The following LYRM4 variants were observed in gnomAD, a reference collection of about 807,000 sequenced individuals.
The protein encoded by LYRM4 is LYR motif containing 4.
A neutral mutation model predicts 11.7 loss-of-function variants in LYRM4; 9 were observed. The ratio of observed to expected loss-of-function variants is 0.77; its 90% CI spans 0.46 to 1.34. The LOEUF is 1.34. LYRM4 is among the 40% of genes most tolerant of loss of function. The pLI, the probability that LYRM4 is intolerant of heterozygous loss-of-function variation, is 0.00. For missense variants in LYRM4, 133 were observed against 112.5 expected, an observed-to-expected ratio of 1.18 and a Z score of -0.82; for synonymous variants, 42 against 40.4, an observed-to-expected ratio of 1.04 and a Z score of -0.15.
At chr6:5,260,346 C>T (rs924630236) in intron 1 of LYRM4, among the ~76,000 whole-genome samples, 1 of 152,118 alleles carries the variant, frequency 6.6e-6, no homozygotes, top group African/African-American at 2.4e-5. Flanking sequence ...TCCCTTTTTT[C>T]TCTTCTGCAG....
chr6:5,086,234 T>C, the LYRM4 span: 10 of 1,535,398 alleles, frequency 6.5e-6, no homozygotes, highest in Non-Finnish European at 8.7e-6. Flanking sequence ...GCCGTGACCG[T>C]GCGCTACACC....
At position 5,108,967 on chromosome 6, in the gene LYRM4, C is replaced by T. The variant is rs1762757182; in HGVS notation, c.*456G>A. On this transcript the variant is annotated 3_prime_UTR_variant, in exon 3 of 3. Transcript: ENST00000330636. ...GCCTTCACCAAGGCAGTTCTCGTCTCAGAGTTGAACCCTCCCTGAGGGCCC... is the reference window on the plus strand; with the variant it reads ...GCCTTCACCAAGGCAGTTCTCGTCTTAGAGTTGAACCCTCCCTGAGGGCCC... 1 of 997,740 alleles carries T rather than the reference C, an allele frequency of 1.0e-6. No homozygotes were observed. The highest frequency in any genetic ancestry group is 1.2e-6 in the Non-Finnish European group (1 of 836,374). The allele number at this position is 997,740 out of a possible 1,614,324, so 61.8% of individuals were successfully genotyped here. A position where few individuals can be genotyped will look rare whatever the true frequency, so the allele number is the denominator to read the frequency against.
At chr6:5,084,176 C>T in the LYRM4 span, among the ~76,000 whole-genome samples, 114,882 of 152,234 alleles carry the variant, frequency 0.75, 44,324 homozygotes, top group East Asian at 0.9. Context: ...GAGTGATGTC[C>T]GTGCATGCTG....
intron 2 of LYRM4, among the ~76,000 whole-genome samples, chr6:5,192,716 T>C (rs75502553): frequency 0.014 from 2,071 of 152,290 alleles, 39 homozygotes; most frequent in African/African-American, 0.044. Context: ...ACAGGCTGTG[T>C]ATTCCGTTGT....
chr6:5,049,216 G>A, the LYRM4 span, among the ~76,000 whole-genome samples: 1 of 152,160 alleles, frequency 6.6e-6, no homozygotes, highest in Admixed American at 6.5e-5. Flanking sequence ...CTACTGGAGT[G>A]AGAAGCTGCA....
chr6:5,118,094 A>ATATATATTTTTTT lies in LYRM4; in HGVS notation c.208-8604_208-8603insAAAAAAATATATA. Among the ~76,000 whole-genome samples, 176 of 86,074 alleles carry ATATATATTTTTTT rather than the reference A, an allele frequency of 2.0e-3. 1 individual carries two copies. Among genetic ancestry groups the ATATATATTTTTTT allele is most frequent in the African/African-American group, 6.2e-3 (159 of 25,560 alleles). 56.5% of individuals were successfully genotyped at this position (86,074 alleles called of 152,430 possible). On this transcript the variant is annotated intron_variant, in intron 2 of 2. Coordinates refer to ENST00000330636, the MANE Select transcript of LYRM4 (RefSeq NM_020408.6). ...TCACCAAAACAATATATATATATATATTTTTGTTTTGTTTTGTTTTGTTTT... is the reference window on the plus strand; with the variant it reads ...TCACCAAAACAATATATATATATATATATATATTTTTTTTTTTTGTTTTGTTTTGTTTTGTTTT...
At chr6:5,204,223 C>G (rs149283924) in intron 2 of LYRM4, among the ~76,000 whole-genome samples, 21 of 152,274 alleles carry the variant, frequency 1.4e-4, no homozygotes, top group Admixed American at 5.9e-4. Context: ...TCCACAGTCT[C>G]CTTTCATCCT....
the LYRM4 span, among the ~76,000 whole-genome samples, chr6:5,081,396 C>T: frequency 6.6e-6 from 1 of 152,166 alleles, no homozygotes; most frequent in Non-Finnish European, 1.5e-5. Flanking sequence ...GGGGAGGACC[C>T]GAAGTCCCCA....
intron 1 of LYRM4, among the ~76,000 whole-genome samples, chr6:5,258,783 A>G (rs553960938): frequency 6.6e-6 from 1 of 152,230 alleles, no homozygotes; most frequent in Non-Finnish European, 1.5e-5. Flanking sequence ...AATTTGATCA[A>G]TTATTTTCTG....
At chr6:5,173,684 TTGAG>T (rs1479383467) in intron 2 of LYRM4, among the ~76,000 whole-genome samples, 2 of 152,228 alleles carry the variant, frequency 1.3e-5, no homozygotes, top group African/African-American at 2.4e-5. Context: ...AATTCTTTGA[TTGAG>T]TACTATATGC....
intron 1 of LYRM4, among the ~76,000 whole-genome samples, chr6:5,230,718 T>A (rs1561887789): frequency 6.6e-6 from 1 of 152,192 alleles, no homozygotes; most frequent in African/African-American, 2.4e-5. Context: ...TCCTTAAAAT[T>A]TCCTATGGAA....
chr6:5,256,125 C>T lies in LYRM4; in HGVS notation c.86+4523G>A, dbSNP rs552050436. On this transcript the variant is annotated intron_variant, in intron 1 of 2. Transcript: ENST00000330636. ...TTTAAGGTGAGAAAATTAGTGGCTACGGATGCTATTCTAGGGAACATCAGA... is the reference window on the plus strand; with the variant it reads ...TTTAAGGTGAGAAAATTAGTGGCTATGGATGCTATTCTAGGGAACATCAGA... Among the ~76,000 whole-genome samples, 20 of 151,934 alleles carry T rather than the reference C, an allele frequency of 1.3e-4. No individual in the cohort carries two copies. The South Asian group carries it at 2.1e-3, about 16-fold the overall frequency.
chr6:5,183,777 C>T (rs115768601), intron 2 of LYRM4, among the ~76,000 whole-genome samples: 2,214 of 152,266 alleles, frequency 0.015, 12 homozygotes, highest in Non-Finnish European at 0.02. Context: ...AATAAGAAGG[C>T]AAGCCTGAAT....
chr6:5,217,471 T>C (rs1437181138), intron 1 of LYRM4, among the ~76,000 whole-genome samples: 1 of 152,198 alleles, frequency 6.6e-6, no homozygotes, highest in Non-Finnish European at 1.5e-5. Flanking sequence ...CTACTGTTTG[T>C]GTGAACTTGG....
At chr6:5,140,897 C>A (rs1450261810) in intron 2 of LYRM4, among the ~76,000 whole-genome samples, 1 of 152,330 alleles carries the variant, frequency 6.6e-6, no homozygotes, top group East Asian at 1.9e-4. Flanking sequence ...TCCTAAATAA[C>A]CAACCAAATG....
chr6:5,210,549 C>T (rs1022737983), intron 2 of LYRM4, among the ~76,000 whole-genome samples: 4 of 151,804 alleles, frequency 2.6e-5, no homozygotes, highest in Non-Finnish European at 5.9e-5. Flanking sequence ...TAAAATGTAT[C>T]ATCTTAACTA....
At position 5,108,691 on chromosome 6, in the gene LYRM4, C is replaced by G. The variant is rs1053955973; in HGVS notation, c.*732G>C. 1 of 777,312 alleles carries G rather than the reference C, an allele frequency of 1.3e-6. No individual in the cohort carries two copies. The highest frequency in any genetic ancestry group is 1.9e-5 in the African/African-American group (1 of 53,010). The allele number at this position is 777,312 out of a possible 1,614,324, so 48.2% of individuals were successfully genotyped here. A position where few individuals can be genotyped will look rare whatever the true frequency, so the allele number is the denominator to read the frequency against. Reference sequence around the variant, plus strand: ...GCCCCAGGCTTCAGGGTATGGGAGTCGCCCTGGGCTTGGGTCAGGCTGGGG... The same window carrying G: ...GCCCCAGGCTTCAGGGTATGGGAGTGGCCCTGGGCTTGGGTCAGGCTGGGG... On this transcript the variant is annotated 3_prime_UTR_variant, in exon 3 of 3. Transcript: ENST00000330636.
At chr6:5,124,902 G>C (rs1561813009) in intron 2 of LYRM4, among the ~76,000 whole-genome samples, 1 of 152,232 alleles carries the variant, frequency 6.6e-6, no homozygotes, top group Admixed American at 6.5e-5. Flanking sequence ...AGCCACACTG[G>C]GTTGTGAGTA....
At chr6:5,178,076 T>C (rs893009894) in intron 2 of LYRM4, among the ~76,000 whole-genome samples, 2 of 152,232 alleles carry the variant, frequency 1.3e-5, no homozygotes, top group Non-Finnish European at 2.9e-5. Flanking sequence ...TTAAGAGCAG[T>C]GACTAAAATT....
Sources: allele counts gnomAD v4.1 joint callset (sites outside exome capture counted in the v4.1 genomes callset), GRCh38; gene constraint gnomAD v4.1.1; transcripts MANE v1.5; gene names NCBI Gene and HGNC (gene_info 2026-07-23, HGNC 2026-07-21).